The following KIAA1958 variants were observed in gnomAD, a reference collection of about 807,000 sequenced individuals.
The protein encoded by KIAA1958 is KIAA1958.
In KIAA1958, 14 loss-of-function variants were observed where a neutral mutation model predicts 47.2. The ratio of observed to expected loss-of-function variants is 0.30; its 90% confidence interval spans 0.20 to 0.46. The LOEUF (loss-of-function observed/expected upper bound fraction) is 0.46, where lower values mean the gene tolerates loss of function less well. Ranked by LOEUF, KIAA1958 falls within the 20% of genes least tolerant of loss-of-function variation. KIAA1958 has a pLI of 1.00. For synonymous variants in KIAA1958, 354 were observed against 353.3 expected (o/e 1.00, Z -0.02); for missense variants, 803 against 909.2 (o/e 0.88, Z 1.50).
chr9:112,552,042 G>A (rs374214304), intron 1 of KIAA1958, among the ~76,000 whole-genome samples: 47 of 152,154 alleles, frequency 3.1e-4, no homozygotes, highest in East Asian at 9.6e-4. Context: ...ATACTAGGTG[G>A]GTAGTTTGAA....
At chr9:112,558,649 G>A (rs1177160732) in intron 1 of KIAA1958, among the ~76,000 whole-genome samples, 1 of 152,048 alleles carries the variant, frequency 6.6e-6, no homozygotes, top group East Asian at 1.9e-4. Context: ...ATAAAAATAG[G>A]TTACTCACAT....
intron 2 of KIAA1958, among the ~76,000 whole-genome samples, chr9:112,617,219 T>A (rs1291753759): frequency 6.6e-6 from 1 of 152,248 alleles, no homozygotes; most frequent in African/African-American, 2.4e-5. Flanking sequence ...ATAGCTATGA[T>A]GTTTTATCCT....
rs900826075 is a variant in KIAA1958, at chr9:112,553,253, G to T, written c.-24-20804G>T. ...CAGGCCAGAGTGCAGTGGTATGATC[G>T]TTGGCTCACTGTAGCCTTGACTTCC... On this transcript the variant is annotated intron_variant, in intron 1 of 3. Coordinates refer to ENST00000337530, the MANE Select transcript of KIAA1958 (RefSeq NM_133465.4). 2.7e-5 allele frequency among the ~76,000 whole-genome samples: 4 copies of T among 150,080 alleles called. No homozygotes were observed. The East Asian group carries it at 7.9e-4, about 30-fold the overall frequency.
In KIAA1958 at chr9:112,660,705, G is replaced by A. The variant is rs1232077408; in HGVS notation, c.*636G>A. The stretch of plus-strand genomic sequence containing the variant: ...CCAGCAGCGGTAGGAACCCCATCTC[G>A]GCTGTCAATGGAGAGAATTTTATGA... On this transcript the variant is annotated 3_prime_UTR_variant, in exon 4 of 4. Coordinates refer to ENST00000337530, the MANE Select transcript of KIAA1958 (RefSeq NM_133465.4). The A allele has an allele frequency of 1.3e-5, 2 of 152,572 alleles. No homozygotes were observed. Among genetic ancestry groups the A allele is most frequent in the Admixed American group, 6.5e-5 (1 of 15,298 alleles). The allele number at this position is 152,572 out of a possible 1,614,324, so 9.5% of individuals were successfully genotyped here. A position where few individuals can be genotyped will look rare whatever the true frequency, so the allele number is the denominator to read the frequency against.
chr9:112,568,935 C>CAAAAAAA (rs1835481168), intron 1 of KIAA1958, among the ~76,000 whole-genome samples: 3 of 2,854 alleles, frequency 1.1e-3, no homozygotes, highest in Non-Finnish European at 1.3e-3. Flanking sequence ...AATAGGAAAA[C>CAAAAAAA]TAAAAAAAAA....
At chr9:112,595,849 G>A (rs1299836006) in intron 2 of KIAA1958, among the ~76,000 whole-genome samples, 2 of 151,302 alleles carry the variant, frequency 1.3e-5, no homozygotes, top group African/African-American at 4.9e-5. Flanking sequence ...GCAATGGTGC[G>A]ATCTCGGCTC....
intron 2 of KIAA1958, among the ~76,000 whole-genome samples, chr9:112,580,642 C>T (rs891664374): frequency 5.3e-5 from 8 of 152,110 alleles, no homozygotes; most frequent in Admixed American, 5.2e-4. Flanking sequence ...CAAAAATTAG[C>T]CCAGCGTGGT....
At chr9:112,550,878 T>A (rs1835130284) in intron 1 of KIAA1958, among the ~76,000 whole-genome samples, 1 of 152,208 alleles carries the variant, frequency 6.6e-6, no homozygotes, top group African/African-American at 2.4e-5. Flanking sequence ...AGGTACAGTG[T>A]GGCTCAAGGC....
intron 2 of KIAA1958, among the ~76,000 whole-genome samples, chr9:112,589,635 G>A (rs1189568183): frequency 1.3e-5 from 2 of 152,202 alleles, no homozygotes; most frequent in Non-Finnish European, 2.9e-5. Context: ...CTGCAGTTGT[G>A]TAAATAGGTT....
At chr9:112,640,614 G>T (rs952887362) in intron 2 of KIAA1958, among the ~76,000 whole-genome samples, 1 of 152,036 alleles carries the variant, frequency 6.6e-6, no homozygotes, top group Non-Finnish European at 1.5e-5. Flanking sequence ...TTCTGTTTGG[G>T]TTCTATGTCC....
At position 112,665,649 on chromosome 9, in the gene KIAA1958, C is replaced by T. The variant is rs1411550685; in HGVS notation, c.*5580C>T. On this transcript the variant is annotated 3_prime_UTR_variant, in exon 4 of 4. Coordinates refer to ENST00000337530, the MANE Select transcript of KIAA1958 (RefSeq NM_133465.4). ...ATACTGTGTCACCCCTCCATGTATT[C>T]TCTTACTAAATGATTGCTCACTTGG... 1.3e-5 allele frequency: 2 copies of T among 152,202 alleles called. No individual in the cohort carries two copies. The highest frequency in any genetic ancestry group is 2.9e-5 in the Non-Finnish European group (2 of 68,030). The allele number at this position is 152,202 out of a possible 1,614,324, so 9.4% of individuals were successfully genotyped here. A position where few individuals can be genotyped will look rare whatever the true frequency, so the allele number is the denominator to read the frequency against.
intron 1 of KIAA1958, among the ~76,000 whole-genome samples, chr9:112,568,188 T>C (rs1371925471): frequency 6.6e-6 from 1 of 152,108 alleles, no homozygotes; most frequent in Non-Finnish European, 1.5e-5. Flanking sequence ...GTATAACAGT[T>C]ATGAGCAGAT....
chr9:112,595,828 C>T (rs1227147317), intron 2 of KIAA1958, among the ~76,000 whole-genome samples: 1 of 151,588 alleles, frequency 6.6e-6, no homozygotes, highest in Non-Finnish European at 1.5e-5. Context: ...TCTTATTGCC[C>T]AGGCTGGAGT....
chr9:112,494,157 A>G (rs1834015050), intron 1 of KIAA1958, among the ~76,000 whole-genome samples: 1 of 152,182 alleles, frequency 6.6e-6, no homozygotes, highest in South Asian at 2.1e-4. Context: ...TTGCCTAGAT[A>G]CCCAAGGGCT....
At chr9:112,505,783 G>A (rs1014118455) in intron 1 of KIAA1958, among the ~76,000 whole-genome samples, 3 of 152,216 alleles carry the variant, frequency 2.0e-5, no homozygotes, top group Non-Finnish European at 4.4e-5. Context: ...GATGCCTGAT[G>A]AAAGGCAAAG....
At chr9:112,521,961 CTTTATTTA>C (rs146357893) in intron 1 of KIAA1958, among the ~76,000 whole-genome samples, 6 of 146,542 alleles carry the variant, frequency 4.1e-5, no homozygotes, top group South Asian at 2.2e-4. Flanking sequence ...TTTTAAATAA[CTTTATTTA>C]TTTATTTATT....
At chr9:112,614,514 C>T (rs780377493) in intron 2 of KIAA1958, among the ~76,000 whole-genome samples, 13 of 152,288 alleles carry the variant, frequency 8.5e-5, no homozygotes, top group Non-Finnish European at 1.9e-4. Flanking sequence ...TATCAGTCTT[C>T]TCTAGTCTTA....
intron 1 of KIAA1958, among the ~76,000 whole-genome samples, chr9:112,560,825 T>C (rs950204330): frequency 6.6e-6 from 1 of 152,150 alleles, no homozygotes; most frequent in Non-Finnish European, 1.5e-5. Context: ...TAACTTTTGA[T>C]AGGTATCATG....
chr9:112,487,168 A>T lies in KIAA1958; in HGVS notation c.-25+50A>T, dbSNP rs558652101. On this transcript the variant is annotated intron_variant, in intron 1 of 3. Coordinates refer to ENST00000337530, the MANE Select transcript of KIAA1958 (RefSeq NM_133465.4). ...CGGGGACGAGTGCGCCGACGCCGCG[A>T]CCCAGGCGGGGAGCCCCTTTGTGTG... The T allele has an allele frequency of 1.5e-4, 29 of 193,646 alleles. No homozygotes were observed. In the East Asian group the frequency reaches 2.1e-3, roughly 14 times the overall value. 12.0% of individuals were successfully genotyped at this position (193,646 alleles called of 1,614,324 possible). A position where few individuals can be genotyped will look rare whatever the true frequency, so the allele number is the denominator to read the frequency against.
Sources: gnomAD v4.1 joint callset for allele counts (sites outside exome capture counted in the v4.1 genomes callset) on GRCh38, gnomAD v4.1.1 for gene constraint, MANE v1.5 for transcripts, NCBI Gene and HGNC (gene_info 2026-07-23, HGNC 2026-07-21) for gene names.